SPATA13: variants seen among roughly 807,000 people sequenced by gnomAD.
The protein encoded by SPATA13 is spermatogenesis associated 13, also known as spermatogenesis-associated protein 13.
SPATA13 carries 50 observed loss-of-function variants against 104.0 expected under a neutral mutation model. That is an observed-to-expected ratio of 0.48 (90% CI 0.38 to 0.61). SPATA13 has a LOEUF of 0.61. Among genes scored for constraint, SPATA13 ranks in the 20% least tolerant of loss-of-function variants. The probability of loss-of-function intolerance (pLI) is 0.00; values close to 1 mark genes in which losing one functional copy is unlikely to be tolerated. For synonymous variants in SPATA13, 606 were observed against 667.5 expected (o/e 0.91, Z 1.42); for missense variants, 1,524 against 1,690.6 (o/e 0.90, Z 1.73).
chr13:24,289,999 G>T (rs936485665), intron 8 of SPATA13, among the ~76,000 whole-genome samples: 19 of 152,190 alleles, frequency 1.2e-4, no homozygotes, highest in African/African-American at 4.6e-4. Flanking sequence ...CCCCATGTGT[G>T]ACGTGGGCAT....
intron 1 of SPATA13, among the ~76,000 whole-genome samples, chr13:24,166,934 T>C (rs1013207796): frequency 6.6e-6 from 1 of 152,356 alleles, no homozygotes; most frequent in Middle Eastern, 3.4e-3. Context: ...CATCAAAATT[T>C]TGGAGGGACA....
chr13:24,033,191 C>T (rs1194078607), intron 3 of SPATA13, among the ~76,000 whole-genome samples: 1 of 152,176 alleles, frequency 6.6e-6, no homozygotes, highest in Admixed American at 6.5e-5. Context: ...AACTCCCACT[C>T]TGTGTGAAGC....
At chr13:23,981,837 T>A (rs1464649434) in intron 1 of SPATA13, among the ~76,000 whole-genome samples, 1 of 152,242 alleles carries the variant, frequency 6.6e-6, no homozygotes. Context: ...TATTTTTTGA[T>A]CATTCATAAT....
chr13:24,225,932 T>TA (rs1272488999), intron 2 of SPATA13, among the ~76,000 whole-genome samples: 7 of 152,138 alleles, frequency 4.6e-5, no homozygotes, highest in Non-Finnish European at 8.8e-5. Context: ...AAAATGAAGT[T>TA]ACGTGGACAA....
At chr13:24,070,176 G>C (rs1879107147) in intron 3 of SPATA13, among the ~76,000 whole-genome samples, 1 of 152,214 alleles carries the variant, frequency 6.6e-6, no homozygotes, top group Non-Finnish European at 1.5e-5. Flanking sequence ...CAGTGTCAGA[G>C]TAGAGCAGTT....
intron 2 of SPATA13, among the ~76,000 whole-genome samples, chr13:24,244,248 G>GCAAA (rs1872998189): frequency 6.6e-6 from 1 of 152,292 alleles, no homozygotes; most frequent in East Asian, 1.9e-4. Context: ...ACCTAACCCA[G>GCAAA]GTTGACCTCA....
intron 8 of SPATA13, among the ~76,000 whole-genome samples, chr13:24,290,028 G>A (rs1397294598): frequency 1.3e-5 from 2 of 152,184 alleles, no homozygotes; most frequent in African/African-American, 4.8e-5. Flanking sequence ...CATTGTCACA[G>A]GCCTCCTTGT....
intron 4 of SPATA13, among the ~76,000 whole-genome samples, chr13:24,255,240 G>A (rs1038655659): frequency 6.6e-6 from 1 of 152,140 alleles, no homozygotes; most frequent in African/African-American, 2.4e-5. Flanking sequence ...TCTTTGAGAA[G>A]CTAGGAAGAA....
intron 2 of SPATA13, among the ~76,000 whole-genome samples, chr13:24,014,960 G>A (rs1359673517): frequency 9.2e-5 from 13 of 141,350 alleles, no homozygotes; most frequent in Non-Finnish European, 1.7e-4. Flanking sequence ...GCGCTATCTG[G>A]GCTCACTGCA....
chr13:24,200,347 G>A (rs943905207), intron 1 of SPATA13, among the ~76,000 whole-genome samples: 8 of 152,016 alleles, frequency 5.3e-5, no homozygotes, highest in African/African-American at 1.9e-4. Context: ...TTCTAACCCA[G>A]CCTTCTAACA....
intron 4 of SPATA13, among the ~76,000 whole-genome samples, chr13:24,258,959 GCT>G (rs1165486517): frequency 6.4e-4 from 97 of 152,302 alleles, no homozygotes; most frequent in African/African-American, 2.3e-3. Flanking sequence ...GCATATCCTA[GCT>G]AGCCACTGGG....
At chr13:24,024,049 G>A (rs1877094893) in intron 3 of SPATA13, among the ~76,000 whole-genome samples, 1 of 152,230 alleles carries the variant, frequency 6.6e-6, no homozygotes. Flanking sequence ...ATACAGATTT[G>A]AGGGGATCAG....
intron 2 of SPATA13, among the ~76,000 whole-genome samples, chr13:24,242,446 A>G (rs1384982193): frequency 6.6e-6 from 1 of 152,176 alleles, no homozygotes; most frequent in African/African-American, 2.4e-5. Context: ...ATAACCTATA[A>G]AGCCATTTTG....
chr13:24,156,751 C>G (rs1248395563), upstream of SPATA13, among the ~76,000 whole-genome samples: 3 of 152,172 alleles, frequency 2.0e-5, no homozygotes, highest in African/African-American at 7.2e-5. Flanking sequence ...TACATTATTA[C>G]ACTTAATTTT....
At chr13:24,025,212 A>G (rs1877157561) in intron 3 of SPATA13, among the ~76,000 whole-genome samples, 1 of 151,868 alleles carries the variant, frequency 6.6e-6, no homozygotes, top group Non-Finnish European at 1.5e-5. Context: ...TAAAATTTTT[A>G]TTAAAATGAA....
At chr13:24,209,731 G>T (rs1048955672) in intron 1 of SPATA13, among the ~76,000 whole-genome samples, 2 of 152,070 alleles carry the variant, frequency 1.3e-5, no homozygotes, top group Non-Finnish European at 2.9e-5. Flanking sequence ...TGAACAAGGG[G>T]GTGTAGACGT....
chr13:24,040,450 G>T (rs1877876690), intron 3 of SPATA13, among the ~76,000 whole-genome samples: 1 of 152,148 alleles, frequency 6.6e-6, no homozygotes, highest in African/African-American at 2.4e-5. Context: ...GAAATTCACA[G>T]CACCGCCCTT....
intron 3 of SPATA13, among the ~76,000 whole-genome samples, chr13:24,030,881 A>G (rs1027228294): frequency 5.9e-5 from 9 of 152,150 alleles, no homozygotes; most frequent in Admixed American, 5.9e-4. Context: ...AATGAAATGG[A>G]TACTATTTTT....
chr13:23,993,505 G>A (rs1026673092), intron 2 of SPATA13, among the ~76,000 whole-genome samples: 4 of 152,202 alleles, frequency 2.6e-5, no homozygotes, highest in African/African-American at 7.2e-5. Context: ...TCTCAGAAGA[G>A]TGATGTTGTT....
Sources: allele counts gnomAD v4.1 joint callset (sites outside exome capture counted in the v4.1 genomes callset), GRCh38; gene constraint gnomAD v4.1.1; transcripts MANE v1.5; gene names NCBI Gene and HGNC (gene_info 2026-07-23, HGNC 2026-07-21).